The following ZFP90 variants were observed in gnomAD, a reference collection of about 807,000 sequenced individuals.
The protein encoded by ZFP90 is ZFP90 zinc finger protein.
Under a neutral mutation model 60.8 loss-of-function variants are expected in ZFP90, and 38 were observed. The ratio of observed to expected loss-of-function variants is 0.62; its 90% CI spans 0.48 to 0.82. The LOEUF (loss-of-function observed/expected upper bound fraction) is 0.82. ZFP90 is among the 40% of genes least tolerant of loss of function. The pLI is 0.00. For synonymous variants in ZFP90, 287 were observed against 264.8 expected (o/e 1.08, Z -0.82); for missense variants, 711 against 759.1 (o/e 0.94, Z 0.74).
rs1168920163 is a variant in ZFP90 at position 68,539,368 on chromosome 16, A to C, written c.-147A>C. 4.6e-6 allele frequency: 1 copy of C among 215,674 alleles called. No homozygotes were observed. The highest frequency in any genetic ancestry group is 1.7e-4 in the South Asian group (1 of 5,942). 13.4% of individuals were successfully genotyped at this position (215,674 alleles called of 1,614,324 possible). A position where few individuals can be genotyped will look rare whatever the true frequency, so the allele number is the denominator to read the frequency against. ...AGGCCCCTTTGGGCAGCCCCTCCGC[A>C]GATCAGAATTGGAGATAACCGAGGC... On this transcript the variant is annotated 5_prime_UTR_variant, in exon 1 of 5. Coordinates refer to ENST00000563169, the MANE Select transcript of ZFP90 (RefSeq NM_001305203.2).
intron 4 of ZFP90, among the ~76,000 whole-genome samples, chr16:68,560,823 CA>C (rs1157247818): frequency 1.3e-5 from 2 of 151,368 alleles, no homozygotes; most frequent in Non-Finnish European, 2.9e-5. Flanking sequence ...CTCAGCCTCC[CA>C]AAGTGCTGGG....
Position 68,565,872 on chromosome 16 carries a change from C to G in ZFP90, c.*1174C>G, listed in dbSNP as rs2091518692. ...AGGTATGGTGTCTCACACCTGTAAT[C>G]CCAGCACTTTGGGTGGCTAAGGCAG... On this transcript the variant is annotated 3_prime_UTR_variant, in exon 5 of 5. Transcript: ENST00000563169. 4.1e-6 allele frequency: 4 copies of G among 982,774 alleles called. No homozygotes were observed. Among genetic ancestry groups the G allele is most frequent in the South Asian group, 4.7e-5 (1 of 21,246 alleles). 60.9% of individuals were successfully genotyped at this position (982,774 alleles called of 1,614,324 possible).
intron 2 of ZFP90, among the ~76,000 whole-genome samples, chr16:68,574,954 AAG>A (rs1326036237): frequency 6.6e-6 from 1 of 151,826 alleles, no homozygotes; most frequent in Non-Finnish European, 1.5e-5. Flanking sequence ...TGGAAAAAAA[AAG>A]AGACACTGTG....
rs771266209 is a variant in ZFP90 at position 68,564,214 on chromosome 16, A to G, written c.1427A>G (p.Asn476Ser). The G allele has an allele frequency of 5.0e-6, 8 of 1,613,848 alleles. No homozygotes were observed. In the Admixed American group the frequency reaches 1.0e-4, roughly 20 times the overall value. The change falls in exon 5 of 5, where the codon AAC becomes AGC. Residue 476 changes from asparagine (N) to serine (S), a missense_variant. By Grantham distance (46) the Asn-to-Ser change is conservative. This residue lies in a region of ZFP90 where 295 missense variants were observed against 274.0 expected (regional missense o/e 1.08). Transcript: ENST00000563169. ...TDHQRIHTAE[N>S]PYDCEQAFSQ... ...CATCAGAGGATCCATACTGCAGAGA[A>G]CCCCTATGATTGTGAGCAGGCTTTT...
chr16:68,570,983 A>C (rs1247852273), downstream of ZFP90, among the ~76,000 whole-genome samples: 2 of 152,198 alleles, frequency 1.3e-5, no homozygotes, highest in Non-Finnish European at 2.9e-5. Context: ...GAGGCAGACA[A>C]ATCCAGTTTG....
At chr16:68,545,630 T>C (rs7196919) in intron 2 of ZFP90, among the ~76,000 whole-genome samples, 116,047 of 151,374 alleles carry the variant, frequency 0.77, 44,529 homozygotes, top group East Asian at 0.82. Flanking sequence ...CTGGCTAACA[T>C]GGTGAAACCC....
upstream of ZFP90, among the ~76,000 whole-genome samples, chr16:68,538,842 A>G (rs76717185): frequency 4.5e-3 from 686 of 152,292 alleles, 3 homozygotes; most frequent in African/African-American, 0.016. Context: ...GATTTGTCCG[A>G]AGTTTCTTTT....
intron 2 of ZFP90, among the ~76,000 whole-genome samples, chr16:68,546,568 G>A (rs1316714157): frequency 6.6e-6 from 1 of 152,204 alleles, no homozygotes; most frequent in African/African-American, 2.4e-5. Flanking sequence ...CCAGGCTGGA[G>A]TGAGTGGTGC....
At chr16:68,558,639 C>T (rs2152071121) in intron 4 of ZFP90, 71 bp downstream of exon 4, 1 of 1,387,228 alleles carries the variant, frequency 7.2e-7, no homozygotes, top group East Asian at 2.3e-5. Flanking sequence ...GGGAGATACC[C>T]TCCAGCAGCT....
At chr16:68,557,145 G>C (rs1567405368) in intron 2 of ZFP90, 1 of 453,036 alleles carries the variant, frequency 2.2e-6, no homozygotes, top group Non-Finnish European at 4.4e-6. Context: ...ACACCACCAT[G>C]CCAGGCTAAT....
Position 68,563,774 on chromosome 16 carries a change from G to A in ZFP90, c.987G>A (p.Gln329=), listed in dbSNP as rs770395567. The A allele has an allele frequency of 6.2e-7, 1 of 1,614,128 alleles. No homozygotes were observed. Among genetic ancestry groups the A allele is most frequent in the South Asian group, 1.1e-5 (1 of 91,074 alleles). ...FQRSSSLVQH[Q]RIHTGEKPYR... is the part of the protein sequence containing the mutation. ...GCAGCTCCTCCCTTGTTCAACACCAGCGAATTCACACTGGAGAGAAACCCT... is the reference window on the plus strand; with the variant it reads ...GCAGCTCCTCCCTTGTTCAACACCAACGAATTCACACTGGAGAGAAACCCT... Residue 329 remains glutamine, a synonymous_variant, in exon 5 of 5, where the codon CAG becomes CAA. Coordinates refer to ENST00000563169, the MANE Select transcript of ZFP90 (RefSeq NM_001305203.2).
intron 4 of ZFP90, among the ~76,000 whole-genome samples, chr16:68,559,447 A>T (rs2091400830): frequency 6.6e-6 from 1 of 152,116 alleles, no homozygotes; most frequent in Non-Finnish European, 1.5e-5. Flanking sequence ...GGATACCCTA[A>T]TTAGTTTAGT....
intron 2 of ZFP90, among the ~76,000 whole-genome samples, chr16:68,546,210 A>T (rs528835400): frequency 2.6e-5 from 4 of 152,234 alleles, no homozygotes; most frequent in Admixed American, 2.6e-4. Context: ...ATGTGAGCAT[A>T]TATAATATTA....
Position 68,563,656 on chromosome 16 carries a change from C to T in ZFP90, c.869C>T (p.Ala290Val). 6.2e-7 allele frequency: 1 copy of T among 1,614,132 alleles called. No homozygotes were observed. ...TTTGAATGCAATGTATGTGGAAAGG[C>T]CTTCAGGCATAGCTCATCTCTTGGT... ...KPFECNVCGK[A>V]FRHSSSLGQH... Residue 290 changes from alanine (A) to valine (V), a missense_variant, in exon 5 of 5, where the codon GCC (alanine) becomes GTC (valine). Around this residue, in one of 5 missense-constraint regions of ZFP90, gnomAD observed 146 missense variants for 201.4 expected, o/e 0.73. Transcript: ENST00000563169.
In ZFP90 at chr16:68,563,033, A is replaced by G. The variant is rs746220233; in HGVS notation, c.257-11A>G. ...GGAATAGGGGACTTTTGTACTTTGG[A>G]TTTCTTTCAGACTGGAAGACCAGGC... On this transcript the variant is annotated splice_polypyrimidine_tract_variant and intron_variant, in intron 4 of 4. Coordinates refer to ENST00000563169, the MANE Select transcript of ZFP90 (RefSeq NM_001305203.2). 6.2e-7 allele frequency: 1 copy of G among 1,613,948 alleles called. No individual in the cohort carries two copies. Among genetic ancestry groups the G allele is most frequent in the Non-Finnish European group, 8.5e-7 (1 of 1,179,978 alleles).
upstream of ZFP90, among the ~76,000 whole-genome samples, chr16:68,534,987 T>G (rs1318303637): frequency 6.6e-6 from 1 of 152,212 alleles, no homozygotes; most frequent in Non-Finnish European, 1.5e-5. Context: ...TCCCTATATT[T>G]GAGGTTGTTA....
upstream of ZFP90, among the ~76,000 whole-genome samples, chr16:68,534,311 C>G (rs535140452): frequency 7.3e-4 from 109 of 149,680 alleles, no homozygotes; most frequent in Non-Finnish European, 1.3e-3. Flanking sequence ...TCACTGCAGC[C>G]TCTGCCTCCT....
chr16:68,558,826 ATATTTCTTCCCTGAATTGAACTCCCG>A (rs2091389600), intron 4 of ZFP90, among the ~76,000 whole-genome samples: 1 of 152,088 alleles, frequency 6.6e-6, no homozygotes, highest in African/African-American at 2.4e-5. Context: ...TTGAACTCCC[ATATTTCTTCCCTGAATTGAACTCCCG>A]TATCTCTTTG....
At chr16:68,537,981 C>CA (rs560046615), upstream of ZFP90, among the ~76,000 whole-genome samples, 5 of 152,076 alleles carry the variant, frequency 3.3e-5, no homozygotes, top group East Asian at 7.7e-4. Context: ...GGTGCAATCT[C>CA]GGCTCACCAC....
Sources: allele counts gnomAD v4.1 joint callset (sites outside exome capture counted in the v4.1 genomes callset), GRCh38; gene constraint gnomAD v4.1.1; regional missense constraint gnomAD v4.1.1; transcripts MANE v1.5; gene names NCBI Gene and HGNC (gene_info 2026-07-23, HGNC 2026-07-21).